The following SOS1 variants were observed in gnomAD, a reference collection of about 807,000 sequenced individuals.
SOS1 encodes SOS Ras/Rac guanine nucleotide exchange factor 1.
Under a neutral mutation model 157.6 loss-of-function variants are expected in SOS1, and 25 were observed. The observed-to-expected ratio is 0.16, with a 90% CI of 0.12 to 0.22. The LOEUF is 0.22. Among genes scored for constraint, SOS1 ranks in the 10% least tolerant of loss-of-function variants. SOS1 has a pLI of 1.00. For synonymous variants in SOS1, 528 were observed against 534.0 expected (o/e 0.99, Z 0.16); for missense variants, 1,237 against 1,599.1 (o/e 0.77, Z 3.86).
chr2:39,012,804 T>C (rs1336787019), intron 13 of SOS1, among the ~76,000 whole-genome samples: 1 of 152,202 alleles, frequency 6.6e-6, no homozygotes, highest in Non-Finnish European at 1.5e-5. Context: ...TTCCTTAGTG[T>C]GAGTTTTGAT....
intron 6 of SOS1, among the ~76,000 whole-genome samples, chr2:39,036,637 G>T (rs1290262778): frequency 6.6e-6 from 1 of 151,886 alleles, no homozygotes. Flanking sequence ...GCAGTGGCGC[G>T]ATCTCGGCTC....
At chr2:39,117,218 T>A (rs561808352) in intron 1 of SOS1, among the ~76,000 whole-genome samples, 1 of 152,124 alleles carries the variant, frequency 6.6e-6, no homozygotes, top group East Asian at 1.9e-4. Flanking sequence ...TTAGTAGAGA[T>A]GGGGTTTCAC....
rs528000140 is a variant in SOS1, at chr2:39,077,037, T to C, written c.88-9284A>G. ...TAGAATAATTAGGAAAATAATCTTATAAAATGTGTATAAAACCTTTATGGG... is the reference window on the plus strand; with the variant it reads ...TAGAATAATTAGGAAAATAATCTTACAAAATGTGTATAAAACCTTTATGGG... On this transcript the variant is annotated intron_variant, in intron 1 of 22. Transcript: ENST00000402219. Among the ~76,000 whole-genome samples the C allele has an allele frequency of 5.9e-5, 9 of 152,278 alleles. No homozygotes were observed. In the East Asian group the frequency reaches 1.7e-3, roughly 29 times the overall value.
At chr2:39,022,536 A>G (rs1669830807) in intron 10 of SOS1, 34 bp downstream of exon 10, 1 of 1,572,046 alleles carries the variant, frequency 6.4e-7, no homozygotes, top group South Asian at 1.1e-5. Flanking sequence ...TGAAGCAGGA[A>G]AACAAAAGTG....
chr2:39,031,158 C>T (rs988219918), intron 8 of SOS1, among the ~76,000 whole-genome samples: 8 of 152,128 alleles, frequency 5.3e-5, no homozygotes, highest in African/African-American at 1.9e-4. Context: ...CTGTGGCAGC[C>T]TTAGGAAACC....
intron 1 of SOS1, among the ~76,000 whole-genome samples, chr2:39,080,033 G>C (rs750691428): frequency 1.1e-4 from 17 of 151,846 alleles, no homozygotes; most frequent in Non-Finnish European, 2.2e-4. Flanking sequence ...GGGGAGGATG[G>C]TTTCGGGATG....
intron 1 of SOS1, among the ~76,000 whole-genome samples, chr2:39,079,868 C>T (rs1202756215): frequency 6.6e-6 from 1 of 151,916 alleles, no homozygotes; most frequent in Non-Finnish European, 1.5e-5. Context: ...CAGCAGTCTC[C>T]AACCTTCTTG....
At chr2:39,008,778 G>T (rs1037175248) in intron 15 of SOS1, among the ~76,000 whole-genome samples, 1 of 152,150 alleles carries the variant, frequency 6.6e-6, no homozygotes, top group Non-Finnish European at 1.5e-5. Context: ...TGTGTGGTCA[G>T]GTAAGGAGTG....
At chr2:39,042,724 T>TG (rs1169069257) in intron 6 of SOS1, among the ~76,000 whole-genome samples, 124 of 151,688 alleles carry the variant, frequency 8.2e-4, no homozygotes, top group African/African-American at 3.0e-3. Flanking sequence ...TTTTTTTTTT[T>TG]TTTTTTTTAA....
At chr2:39,015,385 CTACT>C (rs976873183) in intron 10 of SOS1, among the ~76,000 whole-genome samples, 4 of 151,966 alleles carry the variant, frequency 2.6e-5, no homozygotes, top group African/African-American at 4.8e-5. Flanking sequence ...AATCTCACAA[CTACT>C]TAAAGATGCT....
At chr2:39,102,530 C>CAA (rs70954782) in intron 1 of SOS1, among the ~76,000 whole-genome samples, 2,215 of 50,260 alleles carry the variant, frequency 0.044, 334 homozygotes, top group Non-Finnish European at 0.048. Flanking sequence ...GACTCCATCT[C>CAA]AAAAAAAAAA....
At chr2:39,093,339 C>A (rs552453091) in intron 1 of SOS1, among the ~76,000 whole-genome samples, 1 of 152,250 alleles carries the variant, frequency 6.6e-6, no homozygotes, top group East Asian at 1.9e-4. Context: ...TGCAATGAGG[C>A]ACATTTGTGT....
intron 20 of SOS1, among the ~76,000 whole-genome samples, chr2:38,991,087 T>C (rs888225205): frequency 1.2e-4 from 19 of 152,130 alleles, no homozygotes; most frequent in Non-Finnish European, 1.8e-4. Flanking sequence ...AATGCCAGTC[T>C]AGTGTGGGCT....
chr2:39,092,444 G>T (rs993731873), intron 1 of SOS1, among the ~76,000 whole-genome samples: 9 of 152,158 alleles, frequency 5.9e-5, no homozygotes, highest in African/African-American at 2.2e-4. Context: ...CAGAGAGGCT[G>T]TCCTCGACCA....
intron 17 of SOS1, 91 bp from the exon 18 acceptor site, chr2:38,997,516 C>G: frequency 1.2e-6 from 1 of 807,144 alleles, no homozygotes; most frequent in South Asian, 1.6e-5. Flanking sequence ...TACACTGTAC[C>G]ATCTCAGTTG....
intron 6 of SOS1, 122 bp from the exon 7 acceptor site, chr2:39,035,622 TTA>T (rs1430607301): frequency 2.9e-6 from 2 of 698,258 alleles, no homozygotes; most frequent in African/African-American, 1.8e-5. Context: ...TAAGCAAAAA[TTA>T]TATGACTACT....
At position 39,120,777 on chromosome 2, in the gene SOS1, G is replaced by A. The variant is rs1673851252; in HGVS notation, c.-355C>T. ...CCGCCCGCCGGGGCTGCACTCCCGGGCCCGGTCTGGCCCCGCGGCGGAGCT... is the reference window on the plus strand; with the variant it reads ...CCGCCCGCCGGGGCTGCACTCCCGGACCCGGTCTGGCCCCGCGGCGGAGCT... On this transcript the variant is annotated 5_prime_UTR_variant, in exon 1 of 23. Coordinates refer to ENST00000402219, the MANE Select transcript of SOS1 (RefSeq NM_005633.4). Among the ~76,000 whole-genome samples the A allele has an allele frequency of 6.7e-6, 1 of 149,076 alleles. No homozygotes were observed. The highest frequency in any genetic ancestry group is 2.4e-5 in the African/African-American group (1 of 40,974).
chr2:39,072,376 T>C (rs2148149981), intron 1 of SOS1, among the ~76,000 whole-genome samples: 1 of 152,294 alleles, frequency 6.6e-6, no homozygotes, highest in East Asian at 1.9e-4. Context: ...AATATTTCTT[T>C]CTTGGAATTA....
chr2:39,000,878 G>C (rs1357958133), intron 17 of SOS1, among the ~76,000 whole-genome samples: 1 of 152,162 alleles, frequency 6.6e-6, no homozygotes, highest in African/African-American at 2.4e-5. Context: ...TTAAAAGACA[G>C]GCCAGGATAT....
Sources: gnomAD v4.1 joint callset for allele counts (sites outside exome capture counted in the v4.1 genomes callset) on GRCh38, gnomAD v4.1.1 for gene constraint, MANE v1.5 for transcripts, NCBI Gene and HGNC (gene_info 2026-07-23, HGNC 2026-07-21) for gene names.